Variants in SLC12A2 observed in about 807,000 individuals in gnomAD.
SLC12A2 encodes the protein Na-K-2Cl cotransporter 1.
SLC12A2 carries 67 observed loss-of-function variants against 136.3 expected under a neutral mutation model. The ratio of observed to expected loss-of-function variants is 0.49; its 90% CI spans 0.40 to 0.60. The LOEUF is 0.60. Ranked by LOEUF, SLC12A2 falls within the 20% of genes least tolerant of loss-of-function variation. The pLI, the probability that SLC12A2 is intolerant of heterozygous loss-of-function variation, is 0.00. For synonymous variants in SLC12A2, 619 were observed against 562.9 expected (o/e 1.10, Z -1.41); for missense variants, 1,322 against 1,534.7 (o/e 0.86, Z 2.32).
At chr5:128,094,403 C>T (rs1760446352) in intron 1 of SLC12A2, among the ~76,000 whole-genome samples, 1 of 151,694 alleles carries the variant, frequency 6.6e-6, no homozygotes, top group Non-Finnish European at 1.5e-5. Flanking sequence ...GTGTTTAAGA[C>T]CCAAAAGAAC....
intron 13 of SLC12A2, 43 bp downstream of exon 13, chr5:128,150,141 A>G: frequency 8.1e-7 from 1 of 1,238,644 alleles, no homozygotes; most frequent in South Asian, 1.2e-5. Flanking sequence ...ATCATTTTTG[A>G]TTGCAAAGAA....
chr5:128,089,784 A>C (rs1450248530), intron 1 of SLC12A2, among the ~76,000 whole-genome samples: 1 of 152,216 alleles, frequency 6.6e-6, no homozygotes, highest in Non-Finnish European at 1.5e-5. Context: ...TAAAACACTA[A>C]ATAATTACAG....
At chr5:128,105,710 A>G (rs1321873796) in intron 1 of SLC12A2, among the ~76,000 whole-genome samples, 1 of 152,132 alleles carries the variant, frequency 6.6e-6, no homozygotes, top group Non-Finnish European at 1.5e-5. Flanking sequence ...CCATAGTGTA[A>G]AAATTATCCT....
At chr5:128,094,732 C>T (rs1483641177) in intron 1 of SLC12A2, among the ~76,000 whole-genome samples, 2 of 152,004 alleles carry the variant, frequency 1.3e-5, no homozygotes, top group East Asian at 1.9e-4. Flanking sequence ...ATTTCCTCTG[C>T]CATCCCCTGT....
intron 4 of SLC12A2, among the ~76,000 whole-genome samples, chr5:128,117,638 A>C (rs1006726467): frequency 3.3e-5 from 5 of 152,182 alleles, no homozygotes; most frequent in African/African-American, 1.2e-4. Context: ...ATAACATTGG[A>C]AAAACTCTTC....
chr5:128,166,544 G>A (rs1361719160), intron 17 of SLC12A2, among the ~76,000 whole-genome samples: 1 of 151,904 alleles, frequency 6.6e-6, no homozygotes, highest in Non-Finnish European at 1.5e-5. Flanking sequence ...TCTACAACAT[G>A]GATTAACCTT....
In SLC12A2 at chr5:128,160,142, A is replaced by C. The variant is rs372531500; in HGVS notation, c.2476-1518A>C. 9.8e-5 allele frequency among the ~76,000 whole-genome samples: 15 copies of C among 152,298 alleles called. 1 individual carries two copies. In the East Asian group the frequency reaches 1.2e-3, roughly 12 times the overall value. On this transcript the variant is annotated intron_variant, in intron 16 of 26. Transcript: ENST00000262461. ...TCTCAGCAAACTAACACAAGAACAGAAAACCAAATACTGTATGTTCTCACT... is the reference window on the plus strand; with the variant it reads ...TCTCAGCAAACTAACACAAGAACAGCAAACCAAATACTGTATGTTCTCACT...
chr5:128,088,243 A>G (rs1040535777), intron 1 of SLC12A2, among the ~76,000 whole-genome samples: 1 of 152,124 alleles, frequency 6.6e-6, no homozygotes, highest in Non-Finnish European at 1.5e-5. Context: ...CATACTGTCA[A>G]ATAGCCTGGA....
In SLC12A2 at chr5:128,150,006, A is replaced by T. The variant is rs1261636477; in HGVS notation, c.2015A>T (p.Asn672Ile). 1 of 1,608,496 alleles carries T rather than the reference A, an allele frequency of 6.2e-7. No individual in the cohort carries two copies. The highest frequency in any genetic ancestry group is 1.7e-5 in the Admixed American group (1 of 59,946). Residue 672 changes from asparagine (N) to isoleucine (I), a missense_variant, in exon 13 of 27, where the codon AAT (asparagine) becomes ATT (isoleucine). This residue lies in a region of SLC12A2 where 294 missense variants were observed against 436.6 expected (regional missense o/e 0.67). Coordinates refer to ENST00000262461, the MANE Select transcript of SLC12A2 (RefSeq NM_001046.3). Reference protein sequence around the residue: ...ALGFILIAELNVIAPIISNFF... With the variant: ...ALGFILIAELIVIAPIISNFF... ...TGTGTTTGTTCTGCAGCTGAACTGA[A>T]TGTTATTGCACCAATTATCTCAAAC...
intron 1 of SLC12A2, among the ~76,000 whole-genome samples, chr5:128,104,000 G>A (rs992506835): frequency 2.6e-5 from 4 of 152,118 alleles, no homozygotes; most frequent in Admixed American, 6.5e-5. Context: ...ACTATGTGTG[G>A]TAACAACATA....
intron 4 of SLC12A2, among the ~76,000 whole-genome samples, chr5:128,116,261 A>T (rs539880899): frequency 4.6e-5 from 7 of 152,148 alleles, no homozygotes; most frequent in Admixed American, 6.5e-5. Context: ...CATTAACTTC[A>T]TGCTTTTCCC....
intron 17 of SLC12A2, among the ~76,000 whole-genome samples, chr5:128,162,271 G>C (rs1763064232): frequency 6.6e-6 from 1 of 152,048 alleles, no homozygotes; most frequent in African/African-American, 2.4e-5. Flanking sequence ...GTTGAATATA[G>C]CGATAGACAG....
intron 15 of SLC12A2, among the ~76,000 whole-genome samples, chr5:128,156,477 T>C (rs1000805799): frequency 6.6e-6 from 1 of 152,198 alleles, no homozygotes; most frequent in Non-Finnish European, 1.5e-5. Context: ...TACTGTACCA[T>C]TTTTGGTATG....
chr5:128,172,838 A>G (rs917581038), intron 19 of SLC12A2, among the ~76,000 whole-genome samples: 14 of 151,906 alleles, frequency 9.2e-5, no homozygotes, highest in African/African-American at 3.1e-4. Flanking sequence ...GTAATCCCAG[A>G]TGTTTGGGAA....
chr5:128,164,245 C>G (rs1763132588), intron 17 of SLC12A2, among the ~76,000 whole-genome samples: 1 of 151,990 alleles, frequency 6.6e-6, no homozygotes, highest in Admixed American at 6.6e-5. Context: ...AGTTCAGGGA[C>G]TATACTTTAA....
chr5:128,147,869 T>G (rs1762580059), intron 11 of SLC12A2, 140 bp downstream of exon 11: 2 of 446,834 alleles, frequency 4.5e-6, no homozygotes, highest in East Asian at 7.0e-5. Context: ...CACATAAAGA[T>G]ATACATAGTT....
chr5:128,116,276 T>A (rs970046351), intron 4 of SLC12A2, among the ~76,000 whole-genome samples: 2 of 152,098 alleles, frequency 1.3e-5, no homozygotes, highest in Non-Finnish European at 2.9e-5. Context: ...TTTCCCCCAT[T>A]TGAATCAGAT....
rs750923806 is a variant in SLC12A2, at chr5:128,174,608, T to C, written c.2871T>C (p.Ser957=). The part of the protein sequence containing the change: ...TKDVVVSVEY[S]KKSDLDTSKP... ...ATGTGGTAGTAAGTGTGGAATATAG[T>C]AAAAAGTCCGATTTAGATACTTCCA... Residue 957 remains serine (S), a synonymous_variant, in exon 20 of 27, where the codon AGT becomes AGC. Coordinates refer to ENST00000262461, the MANE Select transcript of SLC12A2 (RefSeq NM_001046.3). 6.2e-7 allele frequency: 1 copy of C among 1,609,578 alleles called. No homozygotes were observed. The highest frequency in any genetic ancestry group is 8.5e-7 in the Non-Finnish European group (1 of 1,177,442).
intron 4 of SLC12A2, among the ~76,000 whole-genome samples, chr5:128,116,912 A>G (rs918889404): frequency 1.3e-5 from 2 of 152,204 alleles, no homozygotes; most frequent in African/African-American, 4.8e-5. Context: ...TTTTGGTATC[A>G]TGAAAAAAAT....
Sources: allele counts gnomAD v4.1 joint callset (sites outside exome capture counted in the v4.1 genomes callset), GRCh38; gene constraint gnomAD v4.1.1; regional missense constraint gnomAD v4.1.1; transcripts MANE v1.5; gene names NCBI Gene and HGNC (gene_info 2026-07-23, HGNC 2026-07-21).